GPR63: variants seen among roughly 807,000 people sequenced by gnomAD.
GPR63 encodes G protein-coupled receptor 63.
In GPR63, 12 loss-of-function variants were observed where a neutral mutation model predicts 23.1. That is an observed-to-expected ratio of 0.52 (90% confidence interval 0.33 to 0.84). The LOEUF is 0.84. GPR63 is among the 40% of genes least tolerant of loss of function. GPR63 has a pLI of 0.02. For synonymous variants in GPR63, 172 were observed against 191.1 expected, an observed-to-expected ratio of 0.90 and a Z score of 0.82; for missense variants, 472 against 515.6, an observed-to-expected ratio of 0.92 and a Z score of 0.82.
intron 1 of GPR63, among the ~76,000 whole-genome samples, chr6:96,821,989 C>G (rs9386859): frequency 0.26 from 39,366 of 151,720 alleles, 5,237 homozygotes; most frequent in East Asian, 0.34. Context: ...CTTCACAACA[C>G]CATCAGATAC....
In GPR63 at chr6:96,799,296, G is replaced by T. The variant is rs371511856; in HGVS notation, c.436C>A (p.Arg146=). ...PFALVTILTT[R]WIFGKFFCRV... ...CAGAAGAATTTCCCAAAAATCCATCGGGTAGTAAGAATAGTTACCAGGGCA... is the reference window on the plus strand; with the variant it reads ...CAGAAGAATTTCCCAAAAATCCATCTGGTAGTAAGAATAGTTACCAGGGCA... The change falls in exon 2 of 2, where the codon CGA becomes AGA. Residue 146 remains arginine, a synonymous_variant. Transcript: ENST00000229955. The T allele has an allele frequency of 6.2e-7, 1 of 1,614,032 alleles. No homozygotes were observed. The highest frequency in any genetic ancestry group is 8.5e-7 in the Non-Finnish European group (1 of 1,180,004).
intron 1 of GPR63, among the ~76,000 whole-genome samples, chr6:96,831,635 G>A (rs139112378): frequency 3.9e-5 from 6 of 152,066 alleles, no homozygotes; most frequent in African/African-American, 7.2e-5. Flanking sequence ...AGCCAGGCAC[G>A]GTGGTTCACA....
At chr6:96,800,385 C>A (rs1289825341) in intron 1 of GPR63, among the ~76,000 whole-genome samples, 1 of 152,060 alleles carries the variant, frequency 6.6e-6, no homozygotes, top group East Asian at 1.9e-4. Context: ...TCACACATAA[C>A]AATTACACAC....
chr6:96,824,655 A>G (rs1300632679), intron 1 of GPR63, among the ~76,000 whole-genome samples: 1 of 151,330 alleles, frequency 6.6e-6, no homozygotes, highest in Non-Finnish European at 1.5e-5. Context: ...AAAATGAAAA[A>G]AAAAAAAAAT....
At chr6:96,833,978 G>A (rs1774656924) in intron 1 of GPR63, among the ~76,000 whole-genome samples, 1 of 152,076 alleles carries the variant, frequency 6.6e-6, no homozygotes, top group Non-Finnish European at 1.5e-5. Flanking sequence ...CGAGAGCTGT[G>A]TTAAAATCCA....
intron 1 of GPR63, among the ~76,000 whole-genome samples, chr6:96,806,239 C>G (rs1204074841): frequency 6.6e-6 from 1 of 152,128 alleles, no homozygotes; most frequent in African/African-American, 2.4e-5. Context: ...AATTCAGAGG[C>G]CTGCCATCTT....
In GPR63 at chr6:96,832,490, C is replaced by T. The variant is rs1020170028; in HGVS notation, c.-151+4778G>A. On this transcript the variant is annotated intron_variant, in intron 1 of 1. Transcript: ENST00000229955. ...GTCTCCTCATATTTCCCAGGCTGGT[C>T]TCCAATTCCTGGGATCAAAGAATCC... Among the ~76,000 whole-genome samples the T allele has an allele frequency of 8.0e-4, 120 of 150,838 alleles. 1 individual carries two copies. The highest frequency in any genetic ancestry group is 2.8e-3 in the African/African-American group (113 of 40,916).
intron 1 of GPR63, among the ~76,000 whole-genome samples, chr6:96,834,740 T>C (rs1009492212): frequency 6.6e-6 from 1 of 152,214 alleles, no homozygotes; most frequent in African/African-American, 2.4e-5. Flanking sequence ...GCTTCAGCTG[T>C]GAAATGTGGT....
rs1773554161 is a variant in GPR63, at chr6:96,795,318, T to G, written c.*3154A>C. On this transcript the variant is annotated 3_prime_UTR_variant, in exon 2 of 2. Coordinates refer to ENST00000229955, the MANE Select transcript of GPR63 (RefSeq NM_030784.4). ...GGAAAAACAGGCAAACAAAAAACCA[T>G]TTCTGATTATGCCTGTAAGCAGTGA... The G allele has an allele frequency of 6.6e-6, 1 of 152,208 alleles. No individual in the cohort carries two copies. The highest frequency in any genetic ancestry group is 2.1e-4 in the South Asian group (1 of 4,830). The allele number at this position is 152,208 out of a possible 1,614,324, so 9.4% of individuals were successfully genotyped here. A position where few individuals can be genotyped will look rare whatever the true frequency, so the allele number is the denominator to read the frequency against.
In GPR63 at chr6:96,799,723, G is replaced by C; in HGVS notation, c.9C>G (p.Phe3Leu). 6.2e-7 allele frequency: 1 copy of C among 1,614,194 alleles called. No individual in the cohort carries two copies. The highest frequency in any genetic ancestry group is 2.2e-5 in the East Asian group (1 of 44,880). MV[F>L]SAVLTAFHTG... is the part of the protein sequence containing the mutation. ...TATGGAACGCAGTCAACACTGCCGA[G>C]AAGACCATGGTTTCAGTAGGATGGA... The change falls in exon 2 of 2, where the codon TTC (phenylalanine) becomes TTG (leucine). Residue 3 changes from phenylalanine to leucine, a missense_variant. Physicochemically the swap from Phe to Leu is conservative, Grantham distance 22 (BLOSUM62 0). Coordinates refer to ENST00000229955, the MANE Select transcript of GPR63 (RefSeq NM_030784.4).
Position 96,794,256 on chromosome 6 carries a change from T to C in GPR63, c.*4216A>G, listed in dbSNP as rs1240710227. The C allele has an allele frequency of 1.3e-5, 2 of 152,100 alleles. No individual in the cohort carries two copies. Among genetic ancestry groups the C allele is most frequent in the Non-Finnish European group, 2.9e-5 (2 of 67,994 alleles). The allele number at this position is 152,100 out of a possible 1,614,324, so 9.4% of individuals were successfully genotyped here. A position where few individuals can be genotyped will look rare whatever the true frequency, so the allele number is the denominator to read the frequency against. On this transcript the variant is annotated 3_prime_UTR_variant, in exon 2 of 2. Coordinates refer to ENST00000229955, the MANE Select transcript of GPR63 (RefSeq NM_030784.4). ...TAATTCAAGGTTGTTTTTTTTTCCA[T>C]ACAGGTCAGTTACTATTGTAAAATA...
In GPR63 at chr6:96,804,027, G is replaced by A. The variant is rs547517149; in HGVS notation, c.-150-4146C>T. ...ACATGTATGTGTACTTGTAAAACTCGCGTATGGTAGAAGTGACTGGATTTA... is the reference window on the plus strand; with the variant it reads ...ACATGTATGTGTACTTGTAAAACTCACGTATGGTAGAAGTGACTGGATTTA... On this transcript the variant is annotated intron_variant, in intron 1 of 1. Transcript: ENST00000229955. 3.9e-5 allele frequency among the ~76,000 whole-genome samples: 6 copies of A among 152,268 alleles called. No homozygotes were observed. In the East Asian group the frequency reaches 5.8e-4, roughly 15 times the overall value.
intron 1 of GPR63, among the ~76,000 whole-genome samples, chr6:96,803,774 T>C (rs1000569770): frequency 2.0e-5 from 3 of 152,234 alleles, no homozygotes; most frequent in South Asian, 2.1e-4. Flanking sequence ...CACTTACAAT[T>C]TGTATTTCCA....
At chr6:96,808,174 T>C (rs1476448853) in intron 1 of GPR63, among the ~76,000 whole-genome samples, 1 of 151,888 alleles carries the variant, frequency 6.6e-6, no homozygotes, top group Non-Finnish European at 1.5e-5. Flanking sequence ...ATCAGGATTA[T>C]ATCTATATTT....
At chr6:96,821,018 A>G (rs1244605432) in intron 1 of GPR63, among the ~76,000 whole-genome samples, 1 of 152,046 alleles carries the variant, frequency 6.6e-6, no homozygotes, top group African/African-American at 2.4e-5. Flanking sequence ...GCACTCCCAC[A>G]CTCTTCCTCC....
chr6:96,825,037 T>C (rs560751487), intron 1 of GPR63, among the ~76,000 whole-genome samples: 3 of 152,192 alleles, frequency 2.0e-5, no homozygotes, highest in Non-Finnish European at 4.4e-5. Context: ...ATATTGTTTA[T>C]AAATATCACT....
chr6:96,825,281 T>C (rs1343934582), intron 1 of GPR63, among the ~76,000 whole-genome samples: 1 of 152,092 alleles, frequency 6.6e-6, no homozygotes, highest in East Asian at 1.9e-4. Flanking sequence ...ATGTGAAAAT[T>C]CTCATATGCA....
At chr6:96,809,094 C>A (rs558691248) in intron 1 of GPR63, among the ~76,000 whole-genome samples, 6 of 152,148 alleles carry the variant, frequency 3.9e-5, no homozygotes, top group African/African-American at 1.4e-4. Flanking sequence ...TATCTCTACA[C>A]TGAAAATTTT....
chr6:96,817,484 A>G (rs1455826177), intron 1 of GPR63, among the ~76,000 whole-genome samples: 1 of 152,192 alleles, frequency 6.6e-6, no homozygotes, highest in Non-Finnish European at 1.5e-5. Flanking sequence ...CTGCTCTGTT[A>G]CCCAGTAATC....
Sources: allele counts gnomAD v4.1 joint callset (sites outside exome capture counted in the v4.1 genomes callset), GRCh38; gene constraint gnomAD v4.1.1; transcripts MANE v1.5; gene names NCBI Gene and HGNC (gene_info 2026-07-23, HGNC 2026-07-21).